Variants in UBXN6 observed in about 807,000 individuals in gnomAD.
UBXN6 encodes UBX domain protein 6, also known as UBX domain-containing protein 6.
UBXN6 carries 44 observed loss-of-function variants against 51.4 expected under a neutral mutation model. The observed-to-expected ratio is 0.86, with a 90% CI of 0.67 to 1.10. The LOEUF (loss-of-function observed/expected upper bound fraction) is 1.10, where lower values mean the gene tolerates loss of function less well. Among genes scored for constraint, UBXN6 ranks in the 50% least tolerant of loss-of-function variants. The pLI is 0.00. For synonymous variants in UBXN6, 316 were observed against 263.2 expected, an observed-to-expected ratio of 1.20 and a Z score of -1.94; for missense variants, 672 against 596.1, an observed-to-expected ratio of 1.13 and a Z score of -1.32.
intron 10 of UBXN6, 108 bp downstream of exon 10, chr19:4,445,940 GC>G: frequency 6.8e-7 from 1 of 1,480,940 alleles, no homozygotes; most frequent in Non-Finnish European, 9.0e-7. Flanking sequence ...ACCTGCCCAG[GC>G]CCCCTGCTCT....
chr19:4,448,172 G>A (rs1974577678), intron 5 of UBXN6, 146 bp downstream of exon 5: 1 of 707,550 alleles, frequency 1.4e-6, no homozygotes, highest in Admixed American at 2.4e-5. Flanking sequence ...GAGGCCTCTG[G>A]GTGGAGCTGC....
At chr19:4,455,266 G>A (rs944793573) in intron 1 of UBXN6, 1 of 985,310 alleles carries the variant, frequency 1.0e-6, no homozygotes, top group Non-Finnish European at 1.2e-6. Context: ...AACCTTCTGG[G>A]AGGCCAGGCT....
intron 4 of UBXN6, among the ~76,000 whole-genome samples, chr19:4,452,098 G>A (rs531211220): frequency 6.6e-5 from 10 of 150,614 alleles, no homozygotes; most frequent in East Asian, 4.0e-4. Context: ...GTAGTGAGCC[G>A]AGAATGCGCC....
chr19:4,445,976 G>A, intron 10 of UBXN6, 73 bp downstream of exon 10: 1 of 1,526,408 alleles, frequency 6.6e-7, no homozygotes, highest in East Asian at 2.3e-5. Context: ...TCCCTCCTGG[G>A]GGTGTCTGTG....
rs1004382359 is a variant in UBXN6, at chr19:4,448,607, C to T, written c.442-192G>A. The T allele has an allele frequency of 2.0e-4, 119 of 600,222 alleles. No individual in the cohort carries two copies. In the African/African-American group the frequency reaches 2.0e-3, roughly 10 times the overall value. 37.2% of individuals were successfully genotyped at this position (600,222 alleles called of 1,614,324 possible). A position where few individuals can be genotyped will look rare whatever the true frequency, so the allele number is the denominator to read the frequency against. On this transcript the variant is annotated intron_variant, in intron 4 of 10. Transcript: ENST00000301281. ...CCCTGCCCACGCCCCAGGGCAGAGG[C>T]GACGCAGCCAAGACCCAGCAGAACT...
intron 4 of UBXN6, chr19:4,448,677 G>A: frequency 3.8e-6 from 2 of 519,828 alleles, no homozygotes; most frequent in Admixed American, 3.2e-5. Flanking sequence ...CATGGGACTT[G>A]GAAGCCAGTG....
At chr19:4,455,878 A>G (rs1260924091) in intron 1 of UBXN6, among the ~76,000 whole-genome samples, 1 of 151,550 alleles carries the variant, frequency 6.6e-6, no homozygotes, top group African/African-American at 2.4e-5. Context: ...GCCCCTGCTC[A>G]CCCTCCTTGG....
rs377437234 is a variant in UBXN6 at position 4,446,382 on chromosome 19, G to A, written c.952C>T (p.Arg318Trp). The part of the protein sequence containing the change: ...SEAVERLSVL[R>W]TKAMREKEEQ... Reference sequence around the variant, plus strand: ...TCCTTCTCCCGCATGGCCTTGGTCCGCAGCACGCTCAGCCGCTCCACCGCC... The same window carrying A: ...TCCTTCTCCCGCATGGCCTTGGTCCACAGCACGCTCAGCCGCTCCACCGCC... The change falls in exon 9 of 11, where the codon CGG becomes TGG. Residue 318 changes from arginine (R) to tryptophan (W), a missense_variant. Transcript: ENST00000301281. 3.2e-5 allele frequency: 50 copies of A among 1,576,628 alleles called. No homozygotes were observed. The highest frequency in any genetic ancestry group is 4.6e-5 in the East Asian group (2 of 43,564).
chr19:4,452,872 G>T (rs140778307), intron 3 of UBXN6, among the ~76,000 whole-genome samples: 4 of 152,296 alleles, frequency 2.6e-5, no homozygotes, highest in Admixed American at 2.6e-4. Flanking sequence ...CATGACTTCT[G>T]GGCCTCCATT....
intron 5 of UBXN6, 150 bp downstream of exon 5, chr19:4,448,168 T>G: frequency 1.4e-6 from 1 of 689,952 alleles, no homozygotes; most frequent in Non-Finnish European, 2.5e-6. Flanking sequence ...GCCTGAGGCC[T>G]CTGGGTGGAG....
Position 4,448,311 on chromosome 19 carries a change from C to A in UBXN6, c.539+7G>T, listed in dbSNP as rs755604057. On this transcript the variant is annotated splice_region_variant and intron_variant, in intron 5 of 10. Transcript: ENST00000301281. Reference sequence around the variant, plus strand: ...GGCCAGGCAGGGCAAAGGGGCCACACGCTCACTTGGCAATGGTGTCCACAC... The same window carrying A: ...GGCCAGGCAGGGCAAAGGGGCCACAAGCTCACTTGGCAATGGTGTCCACAC... The A allele has an allele frequency of 1.3e-6, 2 of 1,599,148 alleles. No individual in the cohort carries two copies. Among genetic ancestry groups the A allele is most frequent in the Non-Finnish European group, 1.7e-6 (2 of 1,174,260 alleles).
At position 4,446,079 on chromosome 19, in the gene UBXN6, G is replaced by C; in HGVS notation, c.1170C>G (p.Asp390Glu). ...CGCACTCGTTCAAGGCCAGGTTCTC[G>C]TCCTCGGACAGCTTCTGCCCTCCCG... is the stretch of plus-strand genomic sequence containing the variant. ...LASGGQKLSE[D>E]ENLALNECGL... Residue 390 changes from aspartate to glutamate, a missense_variant, in exon 10 of 11, where the codon GAC becomes GAG. Transcript: ENST00000301281. The C allele has an allele frequency of 9.9e-6, 16 of 1,612,652 alleles. No individual in the cohort carries two copies. Among genetic ancestry groups the C allele is most frequent in the Non-Finnish European group, 1.3e-5 (15 of 1,179,846 alleles).
intron 4 of UBXN6, chr19:4,450,948 T>C (rs1348650241): frequency 6.6e-6 from 1 of 152,070 alleles, no homozygotes; most frequent in Non-Finnish European, 1.5e-5. Context: ...AGATCAAAGT[T>C]TGGTGATTTA....
intron 4 of UBXN6, 134 bp from the exon 5 acceptor site, chr19:4,448,549 A>G (rs1974589465): frequency 1.4e-6 from 1 of 725,014 alleles, no homozygotes. Flanking sequence ...CGCTCATCAC[A>G]GAAAGGAAAA....
In UBXN6 at chr19:4,453,476, C is replaced by G; in HGVS notation, c.294G>C (p.Glu98Asp). Residue 98 changes from glutamate (E) to aspartate (D), a missense_variant, in exon 3 of 11, where the codon GAG (glutamate) becomes GAC (aspartate). Glu to Asp is a conservative substitution (Grantham distance 45). Coordinates refer to ENST00000301281, the MANE Select transcript of UBXN6 (RefSeq NM_025241.3). ...TTCTTACCACGTTGGTCCCTGGGGC[C>G]TCGGGGCTCCCGCTGACGGTGGCTT... is the stretch of plus-strand genomic sequence containing the variant. ...QAEATVSGSP[E>D]APGTNVVSEP... The G allele has an allele frequency of 1.2e-6, 2 of 1,613,776 alleles. No homozygotes were observed. The highest frequency in any genetic ancestry group is 1.7e-6 in the Non-Finnish European group (2 of 1,179,876).
At chr19:4,450,756 CT>C (rs1974638518) in intron 4 of UBXN6, 1 of 24,436 alleles carries the variant, frequency 4.1e-5, no homozygotes. Context: ...GAGACTCTGT[CT>C]CAAAAAAAAA....
intron 1 of UBXN6, chr19:4,455,177 G>GT: frequency 7.1e-6 from 7 of 982,392 alleles, no homozygotes; most frequent in Non-Finnish European, 7.3e-6. Context: ...GCTCGGACGC[G>GT]TCTGTCTCAC....
At chr19:4,448,076 G>A (rs1278046648) in intron 5 of UBXN6, 2 of 571,286 alleles carry the variant, frequency 3.5e-6, no homozygotes, top group Non-Finnish European at 3.1e-6. Flanking sequence ...CCCCAAGGAA[G>A]CCAGGGTGGG....
At chr19:4,457,794 TTAAAAAAAAAAAAA>T (rs1341003926), upstream of UBXN6, 3 of 161,546 alleles carry the variant, frequency 1.9e-5, no homozygotes, top group Admixed American at 8.8e-5. Context: ...CGGAAGAAAA[TTAAAAAAAAAAAAA>T]AAAAAAAAAA....
Sources: allele counts gnomAD v4.1 joint callset (sites outside exome capture counted in the v4.1 genomes callset), GRCh38; gene constraint gnomAD v4.1.1; transcripts MANE v1.5; gene names NCBI Gene and HGNC (gene_info 2026-07-23, HGNC 2026-07-21).